BRINP3: variants seen among roughly 807,000 people sequenced by gnomAD.
The protein encoded by BRINP3 is BMP/retinoic acid inducible neural specific 3.
BRINP3 carries 19 observed loss-of-function variants against 71.0 expected under a neutral mutation model. The observed-to-expected ratio is 0.27, with a 90% confidence interval of 0.19 to 0.39. BRINP3 has a LOEUF of 0.39. Ranked by LOEUF, BRINP3 falls within the 10% of genes least tolerant of loss-of-function variation. The probability of loss-of-function intolerance (pLI) is 1.00; values close to 1 mark genes in which losing one functional copy is unlikely to be tolerated. For synonymous variants in BRINP3, 380 were observed against 337.7 expected, an observed-to-expected ratio of 1.13 and a Z score of -1.37; for missense variants, 959 against 940.8, an observed-to-expected ratio of 1.02 and a Z score of -0.25.
chr1:190,223,691 G>A (rs184538128), intron 6 of BRINP3, among the ~76,000 whole-genome samples: 1 of 151,694 alleles, frequency 6.6e-6, no homozygotes, highest in Non-Finnish European at 1.5e-5. Context: ...GTAGGGAAAA[G>A]AACTAAATAA....
intron 7 of BRINP3, among the ~76,000 whole-genome samples, chr1:190,146,147 C>T (rs1267741230): frequency 6.6e-6 from 1 of 152,080 alleles, no homozygotes; most frequent in African/African-American, 2.4e-5. Flanking sequence ...CAGAAATCAT[C>T]AATAAAGAAC....
chr1:190,241,961 TTTTACCA>T (rs1659140873), intron 4 of BRINP3, among the ~76,000 whole-genome samples: 1 of 151,668 alleles, frequency 6.6e-6, no homozygotes, highest in Non-Finnish European at 1.5e-5. Flanking sequence ...TTAAAGGTAA[TTTTACCA>T]TTTAATATTT....
At chr1:190,424,759 A>G (rs758759585) in intron 2 of BRINP3, among the ~76,000 whole-genome samples, 1 of 151,754 alleles carries the variant, frequency 6.6e-6, no homozygotes, top group South Asian at 2.1e-4. Flanking sequence ...TCTAAAAAAT[A>G]CCACAGATCA....
chr1:190,283,448 G>T (rs1663190581), intron 2 of BRINP3, among the ~76,000 whole-genome samples: 1 of 151,758 alleles, frequency 6.6e-6, no homozygotes, highest in African/African-American at 2.4e-5. Flanking sequence ...TCTTCAAAGT[G>T]TCATCTTTTC....
At chr1:190,286,613 A>G (rs1347318487) in intron 2 of BRINP3, among the ~76,000 whole-genome samples, 3 of 152,282 alleles carry the variant, frequency 2.0e-5, no homozygotes, top group East Asian at 3.9e-4. Context: ...CATTAAATGA[A>G]GTTGTCTAAA....
intron 2 of BRINP3, among the ~76,000 whole-genome samples, chr1:190,451,581 T>G (rs1314150249): frequency 6.6e-6 from 1 of 151,980 alleles, no homozygotes; most frequent in African/African-American, 2.4e-5. Flanking sequence ...GAAATGCCTT[T>G]TTTTTTTTAA....
intron 2 of BRINP3, among the ~76,000 whole-genome samples, chr1:190,373,322 G>A (rs1187988992): frequency 2.0e-5 from 3 of 151,812 alleles, no homozygotes; most frequent in Non-Finnish European, 2.9e-5. Context: ...CCCAGGAGGC[G>A]AAGGTTGCAG....
intron 2 of BRINP3, among the ~76,000 whole-genome samples, chr1:190,282,518 C>T (rs1663117318): frequency 6.6e-6 from 1 of 151,878 alleles, no homozygotes; most frequent in South Asian, 2.1e-4. Context: ...TCAAATATCA[C>T]CCACAGGGAA....
intron 6 of BRINP3, among the ~76,000 whole-genome samples, chr1:190,202,418 A>G (rs548442493): frequency 6.6e-6 from 1 of 152,262 alleles, no homozygotes; most frequent in East Asian, 1.9e-4. Context: ...GTCTTGAATG[A>G]GACTTCGTAT....
At chr1:190,470,344 A>C (rs1050379855) in intron 1 of BRINP3, among the ~76,000 whole-genome samples, 1 of 151,084 alleles carries the variant, frequency 6.6e-6, no homozygotes, top group Non-Finnish European at 1.5e-5. Flanking sequence ...GCAGAGAACT[A>C]TAATAAATTC....
chr1:190,250,263 T>C (rs1446053321), intron 4 of BRINP3, among the ~76,000 whole-genome samples: 1 of 151,982 alleles, frequency 6.6e-6, no homozygotes, highest in Non-Finnish European at 1.5e-5. Flanking sequence ...TTTGGAATTA[T>C]ATATCACATC....
intron 2 of BRINP3, 148 bp from the exon 3 acceptor site, chr1:190,281,898 A>T (rs920796813): frequency 3.0e-6 from 2 of 666,900 alleles, no homozygotes. Context: ...AGCAATATTT[A>T]TAATTTATTT....
At chr1:190,112,772 T>C (rs1356489053) in intron 7 of BRINP3, among the ~76,000 whole-genome samples, 2 of 152,136 alleles carry the variant, frequency 1.3e-5, no homozygotes, top group African/African-American at 4.8e-5. Flanking sequence ...CCTAGTCCTC[T>C]AAATTGGAAG....
At chr1:190,386,566 G>A in intron 2 of BRINP3, among the ~76,000 whole-genome samples, 1 of 151,814 alleles carries the variant, frequency 6.6e-6, no homozygotes, top group Middle Eastern at 3.4e-3. Context: ...ATTTAACTTT[G>A]CACTGAATTC....
chr1:190,344,423 A>G (rs1451788097), intron 2 of BRINP3, among the ~76,000 whole-genome samples: 1 of 151,458 alleles, frequency 6.6e-6, no homozygotes. Context: ...ATGATTGCTG[A>G]ATTGGCCATC....
At chr1:190,425,702 T>C (rs1158139681) in intron 2 of BRINP3, among the ~76,000 whole-genome samples, 1 of 151,850 alleles carries the variant, frequency 6.6e-6, no homozygotes, top group Non-Finnish European at 1.5e-5. Flanking sequence ...CTTAGCCACG[T>C]ACAATGTTGC....
intron 7 of BRINP3, among the ~76,000 whole-genome samples, chr1:190,109,899 T>G (rs1652520642): frequency 6.6e-6 from 1 of 152,242 alleles, no homozygotes; most frequent in Non-Finnish European, 1.5e-5. Context: ...AGATTTGGAC[T>G]GATCCTCATG....
At chr1:190,442,442 G>T (rs1173996710) in intron 2 of BRINP3, among the ~76,000 whole-genome samples, 2 of 152,048 alleles carry the variant, frequency 1.3e-5, no homozygotes, top group Non-Finnish European at 2.9e-5. Flanking sequence ...GAGCAGCCAG[G>T]GAACTGTCCA....
chr1:190,251,507 C>A (rs1218040808), intron 4 of BRINP3, among the ~76,000 whole-genome samples: 1 of 151,938 alleles, frequency 6.6e-6, no homozygotes, highest in Non-Finnish European at 1.5e-5. Context: ...TAGAGCTCTT[C>A]ATTTCTCTTC....
Sources: allele counts gnomAD v4.1 joint callset (sites outside exome capture counted in the v4.1 genomes callset), GRCh38; gene constraint gnomAD v4.1.1; transcripts MANE v1.5; gene names NCBI Gene and HGNC (gene_info 2026-07-23, HGNC 2026-07-21).